Variants in CDKAL1 observed in about 807,000 individuals in gnomAD.
CDKAL1 encodes the protein CDKAL1 threonylcarbamoyladenosine tRNA methylthiotransferase.
A neutral mutation model predicts 68.2 loss-of-function variants in CDKAL1; 32 were observed. The observed-to-expected ratio is 0.47, with a 90% confidence interval of 0.35 to 0.63. The LOEUF (loss-of-function observed/expected upper bound fraction) is 0.63. Among genes scored for constraint, CDKAL1 ranks in the 30% least tolerant of loss-of-function variants. The pLI is 0.00. For missense variants in CDKAL1, 606 were observed against 696.7 expected (o/e 0.87, Z 1.47); for synonymous variants, 234 against 244.3 (o/e 0.96, Z 0.39).
intron 6 of CDKAL1, among the ~76,000 whole-genome samples, chr6:20,750,664 A>G (rs1477178648): frequency 6.6e-6 from 1 of 152,132 alleles, no homozygotes; most frequent in East Asian, 1.9e-4. Flanking sequence ...TCTCAGCCTC[A>G]GAAATAACAG....
intron 4 of CDKAL1, among the ~76,000 whole-genome samples, chr6:20,614,769 C>G (rs1338723338): frequency 6.6e-6 from 1 of 152,022 alleles, no homozygotes; most frequent in Non-Finnish European, 1.5e-5. Context: ...AAAAGATAAT[C>G]AAATATTTGA....
At chr6:20,720,820 T>A (rs1177315960) in intron 5 of CDKAL1, among the ~76,000 whole-genome samples, 1 of 152,226 alleles carries the variant, frequency 6.6e-6, no homozygotes, top group East Asian at 1.9e-4. Context: ...TTCTGTGTGA[T>A]CACATTTTTT....
At chr6:20,945,522 C>G (rs1401268185) in intron 9 of CDKAL1, among the ~76,000 whole-genome samples, 2 of 152,044 alleles carry the variant, frequency 1.3e-5, no homozygotes, top group African/African-American at 4.8e-5. Flanking sequence ...ATTCATTTTC[C>G]TACCTCATAG....
intron 12 of CDKAL1, among the ~76,000 whole-genome samples, chr6:21,073,392 T>G (rs1306401031): frequency 6.6e-6 from 1 of 152,200 alleles, no homozygotes. Flanking sequence ...TATAGAAGTA[T>G]GTTTATAAAA....
intron 10 of CDKAL1, among the ~76,000 whole-genome samples, chr6:20,997,069 A>G (rs936962660): frequency 1.3e-5 from 2 of 152,194 alleles, no homozygotes; most frequent in Admixed American, 1.3e-4. Context: ...CTGTATTTAA[A>G]TGTTTAGTGG....
intron 4 of CDKAL1, among the ~76,000 whole-genome samples, chr6:20,605,506 T>G (rs1052629237): frequency 1.3e-5 from 2 of 152,242 alleles, no homozygotes; most frequent in African/African-American, 4.8e-5. Context: ...TTTTTCTTAT[T>G]TTTTACATGC....
chr6:20,887,756 G>A (rs1396462116), intron 9 of CDKAL1, among the ~76,000 whole-genome samples: 1 of 145,586 alleles, frequency 6.9e-6, no homozygotes, highest in Admixed American at 6.9e-5. Flanking sequence ...GAACTCACTC[G>A]CTTAAGATCT....
At chr6:20,702,253 A>T (rs569327470) in intron 5 of CDKAL1, among the ~76,000 whole-genome samples, 2 of 152,258 alleles carry the variant, frequency 1.3e-5, no homozygotes, top group South Asian at 4.1e-4. Context: ...CTCTGACCCC[A>T]TGGCAGTGTC....
At chr6:20,650,713 C>G (rs766603852) in intron 5 of CDKAL1, among the ~76,000 whole-genome samples, 1 of 152,082 alleles carries the variant, frequency 6.6e-6, no homozygotes, top group Non-Finnish European at 1.5e-5. Context: ...TTTAATCCAT[C>G]TTGAGTTAAT....
chr6:20,893,572 A>G (rs771122329), intron 9 of CDKAL1, among the ~76,000 whole-genome samples: 2 of 152,182 alleles, frequency 1.3e-5, no homozygotes, highest in Admixed American at 6.5e-5. Context: ...ACATTTATTT[A>G]TATTGTTTCT....
At chr6:21,117,017 C>T (rs1774446395) in intron 13 of CDKAL1, among the ~76,000 whole-genome samples, 1 of 152,166 alleles carries the variant, frequency 6.6e-6, no homozygotes, top group South Asian at 2.1e-4. Context: ...TGGGTATGTC[C>T]CTGGTTATCA....
intron 4 of CDKAL1, among the ~76,000 whole-genome samples, chr6:20,641,801 ATTAC>A (rs1341737752): frequency 2.6e-5 from 4 of 152,272 alleles, no homozygotes; most frequent in African/African-American, 4.8e-5. Context: ...TTCAATGAGA[ATTAC>A]TTATTTATAT....
intron 13 of CDKAL1, among the ~76,000 whole-genome samples, chr6:21,143,267 C>T (rs1776011745): frequency 6.6e-6 from 1 of 152,216 alleles, no homozygotes; most frequent in Non-Finnish European, 1.5e-5. Flanking sequence ...GTTAGAAACA[C>T]ACACAGTAAC....
At chr6:20,604,006 A>G (rs1226766515) in intron 4 of CDKAL1, among the ~76,000 whole-genome samples, 1 of 151,904 alleles carries the variant, frequency 6.6e-6, no homozygotes, top group East Asian at 1.9e-4. Flanking sequence ...CAGGATGTGA[A>G]GACTGGTGAC....
At chr6:20,657,089 G>A in intron 5 of CDKAL1, among the ~76,000 whole-genome samples, 1 of 152,128 alleles carries the variant, frequency 6.6e-6, no homozygotes, top group East Asian at 1.9e-4. Flanking sequence ...CTCTTGTCAA[G>A]CATTTTGCTT....
At position 20,562,095 on chromosome 6, in the gene CDKAL1, A is replaced by G. The variant is rs74827388; in HGVS notation, c.286+13390A>G. Among the ~76,000 whole-genome samples the G allele has an allele frequency of 6.9e-3, 1,049 of 152,328 alleles. 10 individuals carry two copies. Among genetic ancestry groups the G allele is most frequent in the African/African-American group, 0.024 (997 of 41,564 alleles). On this transcript the variant is annotated intron_variant, in intron 4 of 15. Coordinates refer to ENST00000274695, the MANE Select transcript of CDKAL1 (RefSeq NM_017774.3). Reference sequence around the variant, plus strand: ...TTTGATGTTCCTTCAAACTTAATACAGTATGGTTATATATATTTCCATTTA... The same window carrying G: ...TTTGATGTTCCTTCAAACTTAATACGGTATGGTTATATATATTTCCATTTA...
intron 5 of CDKAL1, among the ~76,000 whole-genome samples, chr6:20,671,434 T>C (rs1581354137): frequency 6.6e-6 from 1 of 152,218 alleles, no homozygotes; most frequent in African/African-American, 2.4e-5. Flanking sequence ...GTCCTTTTAC[T>C]TTGTTGTGCA....
At chr6:20,945,346 T>C (rs1764185058) in intron 9 of CDKAL1, among the ~76,000 whole-genome samples, 1 of 152,162 alleles carries the variant, frequency 6.6e-6, no homozygotes, top group African/African-American at 2.4e-5. Context: ...AAATTTTCCA[T>C]AATTTGAAAA....
At chr6:20,916,339 TGC>T (rs1157505520) in intron 9 of CDKAL1, among the ~76,000 whole-genome samples, 3 of 152,212 alleles carry the variant, frequency 2.0e-5, no homozygotes, top group Non-Finnish European at 4.4e-5. Flanking sequence ...TTCCTATTTT[TGC>T]AACTTCTCTG....
Sources: allele counts gnomAD v4.1 joint callset (sites outside exome capture counted in the v4.1 genomes callset), GRCh38; gene constraint gnomAD v4.1.1; transcripts MANE v1.5; gene names NCBI Gene and HGNC (gene_info 2026-07-23, HGNC 2026-07-21).